OSBP2: variants seen among roughly 807,000 people sequenced by gnomAD.
OSBP2 encodes oxysterol-binding protein 2.
In OSBP2, 66 loss-of-function variants were observed where a neutral mutation model predicts 96.0. The observed-to-expected ratio is 0.69, with a 90% CI of 0.56 to 0.84. The LOEUF (loss-of-function observed/expected upper bound fraction) is 0.84, where lower values mean the gene tolerates loss of function less well. Ranked by LOEUF, OSBP2 falls within the 40% of genes least tolerant of loss-of-function variation. The pLI, the probability that OSBP2 is intolerant of heterozygous loss-of-function variation, is 0.00. For synonymous variants in OSBP2, 525 were observed against 520.9 expected (o/e 1.01, Z -0.11); for missense variants, 1,038 against 1,222.7 (o/e 0.85, Z 2.25).
At chr22:30,857,594 A>G (rs1323622451) in intron 2 of OSBP2, among the ~76,000 whole-genome samples, 1 of 152,244 alleles carries the variant, frequency 6.6e-6, no homozygotes, top group African/African-American at 2.4e-5. Context: ...TCCATTTTAT[A>G]GCCAAGTAAT....
At position 30,695,440 on chromosome 22, in the gene OSBP2, G is replaced by A. The variant is rs1453841124; in HGVS notation, c.531G>A (p.Leu177=). 2 of 1,613,720 alleles carry A rather than the reference G, an allele frequency of 1.2e-6. No individual in the cohort carries two copies. The highest frequency in any genetic ancestry group is 1.7e-6 in the Non-Finnish European group (2 of 1,180,022). Residue 177 remains leucine, a synonymous_variant, in exon 1 of 14, where the codon CTG becomes CTA. Coordinates refer to ENST00000332585, the MANE Select transcript of OSBP2 (RefSeq NM_030758.4). ...CTGGCACGACCTCCAGTGCCCCACT[G>A]GCCTTACTGCCTCTGGACAGCTTCG... is the stretch of plus-strand genomic sequence containing the variant. ...SGTGTTSSAP[L]ALLPLDSFEG...
chr22:30,873,342 G>A (rs962058896), intron 3 of OSBP2, among the ~76,000 whole-genome samples: 2 of 152,072 alleles, frequency 1.3e-5, no homozygotes, highest in Admixed American at 6.5e-5. Flanking sequence ...AGCCTCACCC[G>A]CACCCTGGGC....
intron 2 of OSBP2, among the ~76,000 whole-genome samples, chr22:30,774,941 A>C (rs1291673556): frequency 6.6e-6 from 1 of 152,214 alleles, no homozygotes; most frequent in Non-Finnish European, 1.5e-5. Flanking sequence ...GCATGTAGAT[A>C]TACACGTATA....
chr22:30,767,040 C>T (rs891315639), intron 2 of OSBP2, among the ~76,000 whole-genome samples: 16 of 143,438 alleles, frequency 1.1e-4, no homozygotes, highest in African/African-American at 4.2e-4. Flanking sequence ...CTTAAGGATG[C>T]TACAAAAAAA....
chr22:30,744,742 C>G (rs888385109), intron 2 of OSBP2, among the ~76,000 whole-genome samples: 1 of 152,066 alleles, frequency 6.6e-6, no homozygotes, highest in Non-Finnish European at 1.5e-5. Context: ...GCCTGGGCAA[C>G]AGAGTGAGAC....
intron 9 of OSBP2, 36 bp downstream of exon 9, chr22:30,893,278 G>A (rs2039992733): frequency 6.2e-7 from 1 of 1,613,536 alleles, no homozygotes; most frequent in African/African-American, 1.3e-5. Flanking sequence ...GGGACACAGA[G>A]ACATTGTGCA....
At chr22:30,697,415 A>T (rs540011994) in intron 1 of OSBP2, among the ~76,000 whole-genome samples, 14 of 152,230 alleles carry the variant, frequency 9.2e-5, no homozygotes, top group Non-Finnish European at 1.9e-4. Flanking sequence ...AGTAGCTGGG[A>T]TTACAGGTGT....
intron 2 of OSBP2, among the ~76,000 whole-genome samples, chr22:30,782,515 G>T (rs1382700005): frequency 6.6e-6 from 1 of 152,176 alleles, no homozygotes; most frequent in Non-Finnish European, 1.5e-5. Context: ...ATACAAATGG[G>T]ATTGTACTGC....
Position 30,884,196 on chromosome 22 carries a change from G to A in OSBP2, c.1108-3230G>A, listed in dbSNP as rs527350144. Among the ~76,000 whole-genome samples, 27 of 152,344 alleles carry A rather than the reference G, an allele frequency of 1.8e-4. 1 individual carries two copies. Among genetic ancestry groups the A allele is most frequent in the African/African-American group, 6.5e-4 (27 of 41,576 alleles). On this transcript the variant is annotated intron_variant, in intron 3 of 13. Coordinates refer to ENST00000332585, the MANE Select transcript of OSBP2 (RefSeq NM_030758.4). ...CACATCATCAGGATGAGGCGCATGAGATAAGGAGGTTTCTTTCTTTCCTCG... is the reference window on the plus strand; with the variant it reads ...CACATCATCAGGATGAGGCGCATGAAATAAGGAGGTTTCTTTCTTTCCTCG...
rs752456617 is a variant in OSBP2, at chr22:30,893,488, C to T, written c.2016C>T (p.Ala672=). Residue 672 remains alanine, a synonymous_variant, in exon 10 of 14, where the codon GCC becomes GCT. Coordinates refer to ENST00000332585, the MANE Select transcript of OSBP2 (RefSeq NM_030758.4). Reference sequence around the variant, plus strand: ...GTGCCATCCACTTAGAATTCCAGGCCAGTGGGAATCACTACGTGTGGAGGA... The same window carrying T: ...GTGCCATCCACTTAGAATTCCAGGCTAGTGGGAATCACTACGTGTGGAGGA... ...PLGAIHLEFQ[A]SGNHYVWRKS... is the part of the protein sequence containing the mutation. 5 of 1,614,104 alleles carry T rather than the reference C, an allele frequency of 3.1e-6. No individual in the cohort carries two copies. In the South Asian group the frequency reaches 5.5e-5, roughly 18 times the overall value.
At chr22:30,848,687 G>A (rs1180764533) in intron 2 of OSBP2, among the ~76,000 whole-genome samples, 4 of 152,114 alleles carry the variant, frequency 2.6e-5, no homozygotes, top group African/African-American at 9.7e-5. Context: ...ACAATAGGAC[G>A]TGTGCCCTCT....
intron 2 of OSBP2, among the ~76,000 whole-genome samples, chr22:30,787,305 C>G (rs763017952): frequency 4.6e-5 from 7 of 152,054 alleles, no homozygotes; most frequent in Non-Finnish European, 1.0e-4. Context: ...AGGAAGGAGA[C>G]GAATGGGAGC....
intron 2 of OSBP2, among the ~76,000 whole-genome samples, chr22:30,866,062 C>G (rs890569767): frequency 1.3e-5 from 2 of 152,186 alleles, no homozygotes; most frequent in African/African-American, 4.8e-5. Context: ...GAATGTGGCA[C>G]AGTGTGCAGC....
rs531592120 is a variant in OSBP2, at chr22:30,871,910, G to T, written c.1107+1228G>T. 6.6e-6 allele frequency among the ~76,000 whole-genome samples: 1 copy of T among 152,360 alleles called. No homozygotes were observed. The highest frequency in any genetic ancestry group is 2.1e-4 in the South Asian group (1 of 4,834). On this transcript the variant is annotated intron_variant, in intron 3 of 13. Coordinates refer to ENST00000332585, the MANE Select transcript of OSBP2 (RefSeq NM_030758.4). The surrounding 1 kb of genome is among the most constrained non-coding windows in gnomAD (Gnocchi z 4.7). ...ACCCACACCTGCCCAGATATGCTCA[G>T]GCTCAGGCCTGGAGCACCCAAATGC...
At chr22:30,897,952 G>GAAAA (rs199929883) in intron 12 of OSBP2, among the ~76,000 whole-genome samples, 3 of 105,388 alleles carry the variant, frequency 2.8e-5, no homozygotes, top group Admixed American at 1.0e-4. Flanking sequence ...TCCGTCTCAG[G>GAAAA]AAAAAAAAAA....
intron 2 of OSBP2, among the ~76,000 whole-genome samples, chr22:30,852,112 A>G (rs1023999492): frequency 6.6e-6 from 1 of 152,124 alleles, no homozygotes; most frequent in Admixed American, 6.6e-5. Flanking sequence ...ATAAGGGTTT[A>G]GGGGCTTGTA....
intron 2 of OSBP2, among the ~76,000 whole-genome samples, chr22:30,799,149 G>A (rs935340750): frequency 2.2e-5 from 3 of 135,736 alleles, no homozygotes; most frequent in Admixed American, 8.0e-5. Context: ...TCACTGTGTC[G>A]CCCAGGCTGG....
chr22:30,803,820 A>ATG (rs977082781), intron 2 of OSBP2, among the ~76,000 whole-genome samples: 1 of 151,468 alleles, frequency 6.6e-6, no homozygotes, highest in Non-Finnish European at 1.5e-5. Context: ...GTGTGTGTGT[A>ATG]TGTGTGTGTG....
chr22:30,875,903 G>A (rs2039568310), intron 3 of OSBP2, among the ~76,000 whole-genome samples: 1 of 152,256 alleles, frequency 6.6e-6, no homozygotes. Context: ...CAGGGAACAG[G>A]CAATCCAGCA....
Sources: gnomAD v4.1 joint callset for allele counts (sites outside exome capture counted in the v4.1 genomes callset) on GRCh38, gnomAD v4.1.1 for gene constraint, Gnocchi (gnomAD v3.1) non-coding constraint, MANE v1.5 for transcripts, NCBI Gene and HGNC (gene_info 2026-07-23, HGNC 2026-07-21) for gene names.